GTF2IRD1: variants seen among roughly 807,000 people sequenced by gnomAD.
GTF2IRD1 encodes general transcription factor II-I repeat domain-containing protein 1.
Under a neutral mutation model 113.2 loss-of-function variants are expected in GTF2IRD1, and 26 were observed. That is an observed-to-expected ratio of 0.23 (90% CI 0.17 to 0.32). GTF2IRD1 has a LOEUF of 0.32. GTF2IRD1 is among the 10% of genes least tolerant of loss of function. GTF2IRD1 has a pLI of 1.00. For missense variants in GTF2IRD1, 864 were observed against 1,280.8 expected (o/e 0.67, Z 4.97); for synonymous variants, 484 against 529.1 (o/e 0.91, Z 1.17).
Position 74,517,425 on chromosome 7 carries a change from ACCTT to A in GTF2IRD1, c.422-713_422-710del, listed in dbSNP as rs1436666252. The stretch of plus-strand genomic sequence containing the variant: ...TCGGTCTCTCTCCCTTCCTCCCTAC[ACCTT>A]TTTTTTTTTTTTTTTTTTTTTGAGA... On this transcript the variant is annotated intron_variant, in intron 4 of 26. Transcript: ENST00000424337. Among the ~76,000 whole-genome samples the A allele has an allele frequency of 1.3e-3, 113 of 86,198 alleles. 2 individuals are homozygous for A. Among genetic ancestry groups the A allele is most frequent in the African/African-American group, 3.1e-3 (62 of 19,992 alleles). The allele number at this position is 86,198 out of a possible 152,430, so 56.5% of individuals were successfully genotyped here. A position where few individuals can be genotyped will look rare whatever the true frequency, so the allele number is the denominator to read the frequency against.
At chr7:74,558,785 T>G in intron 20 of GTF2IRD1, 76 bp from the exon 21 acceptor site, 1 of 1,162,506 alleles carries the variant, frequency 8.6e-7, no homozygotes, top group Admixed American at 2.4e-5. Context: ...TTCCATCACA[T>G]CCCCGCAATC....
intron 7 of GTF2IRD1, among the ~76,000 whole-genome samples, chr7:74,522,731 G>A (rs1196048112): frequency 6.6e-6 from 1 of 152,136 alleles, no homozygotes; most frequent in Non-Finnish European, 1.5e-5. Context: ...ATCTCACTGG[G>A]TTATCACAAG....
At position 74,519,644 on chromosome 7, in the gene GTF2IRD1, C is replaced by A. The variant is rs782819541; in HGVS notation, c.841C>A (p.Pro281Thr). ...GGAAGCACCTTCCTGCCCCCTTGCC[C>A]CCAGCGACCTGGGCCTGAGTCGGCC... ...KQEAPSCPLA[P>T]SDLGLSRPMP... The change falls in exon 6 of 27, where the codon CCC (proline) becomes ACC (threonine). Residue 281 changes from proline to threonine, a missense_variant. Physicochemically the swap from Pro to Thr is conservative, Grantham distance 38. Coordinates refer to ENST00000424337, the MANE Select transcript of GTF2IRD1 (RefSeq NM_005685.4). The A allele has an allele frequency of 1.2e-6, 2 of 1,611,074 alleles. No individual in the cohort carries two copies. Among genetic ancestry groups the A allele is most frequent in the South Asian group, 1.1e-5 (1 of 90,614 alleles).
At chr7:74,541,090 T>C (rs1554351615) in intron 14 of GTF2IRD1, among the ~76,000 whole-genome samples, 1 of 151,844 alleles carries the variant, frequency 6.6e-6, no homozygotes, top group East Asian at 2.0e-4. Context: ...GAGCACCTGC[T>C]ATGTACTAGG....
At chr7:74,458,806 C>T (rs879947744) in intron 1 of GTF2IRD1, among the ~76,000 whole-genome samples, 1 of 151,974 alleles carries the variant, frequency 6.6e-6, no homozygotes, top group African/African-American at 2.4e-5. Context: ...AGATGTACAC[C>T]ACCACACCTG....
chr7:74,533,183 G>A lies in GTF2IRD1; in HGVS notation c.1275-1930G>A, dbSNP rs1798075566. Among the ~76,000 whole-genome samples the A allele has an allele frequency of 3.4e-5, 5 of 147,442 alleles. No individual in the cohort carries two copies. In the Admixed American group the frequency reaches 3.4e-4, roughly 10 times the overall value. On this transcript the variant is annotated intron_variant, in intron 9 of 26. Coordinates refer to ENST00000424337, the MANE Select transcript of GTF2IRD1 (RefSeq NM_005685.4). ...GGAGTCTCACTCTATTGCCCAGGCT[G>A]GAGTGCAGTGGTGCTATGTCGGCTC...
chr7:74,575,966 G>A (rs368044530), intron 22 of GTF2IRD1, among the ~76,000 whole-genome samples: 18 of 151,752 alleles, frequency 1.2e-4, no homozygotes, highest in East Asian at 1.9e-4. Context: ...CCAGGAGTTC[G>A]AGACAAGCCT....
chr7:74,492,085 C>T (rs900789860), intron 1 of GTF2IRD1, among the ~76,000 whole-genome samples: 9 of 152,128 alleles, frequency 5.9e-5, no homozygotes, highest in Non-Finnish European at 2.9e-5. Flanking sequence ...CTCACTGCAA[C>T]CTCTACTTCC....
intron 15 of GTF2IRD1, 109 bp from the exon 16 acceptor site, chr7:74,545,635 C>T (rs1410683253): frequency 1.2e-6 from 1 of 810,964 alleles, no homozygotes; most frequent in South Asian, 1.4e-5. Context: ...CCCAGCCTTC[C>T]CCCATTCCAA....
rs587612743 is a variant in GTF2IRD1 at position 74,571,704 on chromosome 7, AT to A, written c.2320+12050del. On this transcript the variant is annotated intron_variant, in intron 22 of 26. Coordinates refer to ENST00000424337, the MANE Select transcript of GTF2IRD1 (RefSeq NM_005685.4). Reference sequence around the variant, plus strand: ...TAAAGAGATCCTGTCTCGACAAAAAATAAAAAATTAGCCAGGCATGGTGGCG... The same window carrying A: ...TAAAGAGATCCTGTCTCGACAAAAAAAAAAAATTAGCCAGGCATGGTGGCG... Among the ~76,000 whole-genome samples, 730 of 152,292 alleles carry A rather than the reference AT, an allele frequency of 4.8e-3. 7 individuals are homozygous for A. Among genetic ancestry groups the A allele is most frequent in the African/African-American group, 0.016 (663 of 41,572 alleles).
intron 1 of GTF2IRD1, among the ~76,000 whole-genome samples, chr7:74,472,539 G>A (rs1794171962): frequency 6.6e-6 from 1 of 152,178 alleles, no homozygotes; most frequent in Non-Finnish European, 1.5e-5. Context: ...TTGAGGTCGG[G>A]AGTTCGAGAG....
chr7:74,536,289 C>A lies in GTF2IRD1; in HGVS notation c.1409+14C>A, dbSNP rs375672800. ...TGGGAATGCTCGGTGAGGCCCCGCCCCTGGCCCCGGAGGCCCGCGGCCAGC... is the reference window on the plus strand; with the variant it reads ...TGGGAATGCTCGGTGAGGCCCCGCCACTGGCCCCGGAGGCCCGCGGCCAGC... On this transcript the variant is annotated intron_variant, in intron 11 of 26. Transcript: ENST00000424337. 6.5e-7 allele frequency: 1 copy of A among 1,545,130 alleles called. No individual in the cohort carries two copies. The highest frequency in any genetic ancestry group is 1.1e-5 in the South Asian group (1 of 89,704).
chr7:74,486,041 G>A (rs1241000410), intron 1 of GTF2IRD1, among the ~76,000 whole-genome samples: 3 of 151,868 alleles, frequency 2.0e-5, no homozygotes, highest in African/African-American at 7.3e-5. Context: ...CATGATCTTG[G>A]CTCACTGCAA....
chr7:74,596,371 G>T (rs1264535277), intron 25 of GTF2IRD1, among the ~76,000 whole-genome samples: 1 of 150,098 alleles, frequency 6.7e-6, no homozygotes. Context: ...GAGGTAGGAG[G>T]ATCGCTTGAA....
At chr7:74,560,391 C>T (rs1173136260) in intron 22 of GTF2IRD1, among the ~76,000 whole-genome samples, 2 of 151,050 alleles carry the variant, frequency 1.3e-5, no homozygotes, top group African/African-American at 4.9e-5. Flanking sequence ...ATGTGGGTGG[C>T]GCCTACCCTG....
intron 1 of GTF2IRD1, among the ~76,000 whole-genome samples, chr7:74,468,170 GTAAT>G (rs1466787146): frequency 6.6e-6 from 1 of 152,018 alleles, no homozygotes; most frequent in East Asian, 1.9e-4. Context: ...TTGGCTACAG[GTAAT>G]TAAACACCCA....
At chr7:74,522,673 A>T (rs782449067) in intron 7 of GTF2IRD1, among the ~76,000 whole-genome samples, 5 of 152,214 alleles carry the variant, frequency 3.3e-5, no homozygotes, top group Non-Finnish European at 7.3e-5. Flanking sequence ...GTCCAGATGG[A>T]ACAGTATCAT....
In GTF2IRD1 at chr7:74,467,603, C is replaced by T. The variant is rs192715308; in HGVS notation, c.-7+13427C>T. Among the ~76,000 whole-genome samples, 19 of 152,178 alleles carry T rather than the reference C, an allele frequency of 1.2e-4. No individual in the cohort carries two copies. In the East Asian group the frequency reaches 2.7e-3, roughly 22 times the overall value. On this transcript the variant is annotated intron_variant, in intron 1 of 26. Transcript: ENST00000424337. The stretch of plus-strand genomic sequence containing the variant: ...GCAACCTCCACCTCCCAGGTTCAAG[C>T]GATTTGCCTGCCTCAGCTTCCCGAG...
intron 1 of GTF2IRD1, among the ~76,000 whole-genome samples, chr7:74,471,249 C>T (rs1794064455): frequency 6.6e-6 from 1 of 152,022 alleles, no homozygotes; most frequent in Non-Finnish European, 1.5e-5. Context: ...TGTGAAAACT[C>T]ATAGAAATAT....
Sources: gnomAD v4.1 joint callset for allele counts (sites outside exome capture counted in the v4.1 genomes callset) on GRCh38, gnomAD v4.1.1 for gene constraint, MANE v1.5 for transcripts, NCBI Gene and HGNC (gene_info 2026-07-23, HGNC 2026-07-21) for gene names.